Variants in EXOC4 observed in about 807,000 individuals in gnomAD.
EXOC4 encodes the protein exocyst complex component 4, also known as SEC8-like 1.
EXOC4 carries 71 observed loss-of-function variants against 107.2 expected under a neutral mutation model. The observed-to-expected ratio is 0.66, with a 90% CI of 0.55 to 0.81. The LOEUF (loss-of-function observed/expected upper bound fraction) is 0.81. Among genes scored for constraint, EXOC4 ranks in the 30% least tolerant of loss-of-function variants. The probability of loss-of-function intolerance (pLI) is 0.00; values close to 1 mark genes in which losing one functional copy is unlikely to be tolerated. For synonymous variants in EXOC4, 456 were observed against 441.2 expected (o/e 1.03, Z -0.42); for missense variants, 1,108 against 1,189.6 (o/e 0.93, Z 1.01).
chr7:133,561,774 A>G (rs1800808124), intron 9 of EXOC4, among the ~76,000 whole-genome samples: 3 of 152,202 alleles, frequency 2.0e-5, no homozygotes, highest in African/African-American at 7.2e-5. Context: ...TGTCATGTCT[A>G]AATTATCCCA....
intron 10 of EXOC4, among the ~76,000 whole-genome samples, chr7:133,680,635 C>T (rs1562905020): frequency 6.6e-6 from 1 of 152,130 alleles, no homozygotes; most frequent in African/African-American, 2.4e-5. Flanking sequence ...TAGCAAGAAG[C>T]GAATCAAGAT....
At chr7:133,307,351 G>A (rs1250209606) in intron 4 of EXOC4, among the ~76,000 whole-genome samples, 2 of 152,188 alleles carry the variant, frequency 1.3e-5, no homozygotes, top group Non-Finnish European at 2.9e-5. Flanking sequence ...TCAGCAGAGA[G>A]TGAAGTGGTG....
chr7:133,477,378 T>C (rs1337256342), intron 8 of EXOC4, among the ~76,000 whole-genome samples: 1 of 152,204 alleles, frequency 6.6e-6, no homozygotes, highest in Non-Finnish European at 1.5e-5. Flanking sequence ...AGTTTTGCTT[T>C]TTCCAGAATG....
chr7:133,674,030 T>C (rs982945156), intron 10 of EXOC4, among the ~76,000 whole-genome samples: 1 of 152,138 alleles, frequency 6.6e-6, no homozygotes, highest in African/African-American at 2.4e-5. Flanking sequence ...ATAGTGGAGT[T>C]CAAGGAAGGC....
At chr7:133,471,480 G>A (rs1246648288) in intron 7 of EXOC4, among the ~76,000 whole-genome samples, 1 of 151,372 alleles carries the variant, frequency 6.6e-6, no homozygotes, top group Admixed American at 6.6e-5. Flanking sequence ...ATTTAAAATA[G>A]TATTTTCCAG....
At chr7:133,625,539 A>G (rs1802433086) in intron 9 of EXOC4, among the ~76,000 whole-genome samples, 1 of 152,194 alleles carries the variant, frequency 6.6e-6, no homozygotes, top group African/African-American at 2.4e-5. Flanking sequence ...TAATATGACA[A>G]TATTTATTAC....
rs1016381836 is a variant in EXOC4 at position 133,683,728 on chromosome 7, T to A, written c.1514+53587T>A. Among the ~76,000 whole-genome samples the A allele has an allele frequency of 2.0e-5, 3 of 152,072 alleles. 1 individual carries two copies. The highest frequency in any genetic ancestry group is 7.2e-5 in the African/African-American group (3 of 41,420). ...CTTTTTTCCAATTTCGGGGCACTCATGTGAGATTGTAGGCATTCTTCAACC... is the reference window on the plus strand; with the variant it reads ...CTTTTTTCCAATTTCGGGGCACTCAAGTGAGATTGTAGGCATTCTTCAACC... On this transcript the variant is annotated intron_variant, in intron 10 of 17. Transcript: ENST00000253861.
chr7:133,644,344 C>T (rs1018735551), intron 10 of EXOC4, among the ~76,000 whole-genome samples: 1 of 152,130 alleles, frequency 6.6e-6, no homozygotes, highest in African/African-American at 2.4e-5. Context: ...CATCACTTGA[C>T]CCCTGCCATC....
chr7:133,550,263 A>G (rs1424151212), intron 9 of EXOC4, among the ~76,000 whole-genome samples: 1 of 152,178 alleles, frequency 6.6e-6, no homozygotes, highest in Non-Finnish European at 1.5e-5. Flanking sequence ...ATCAAGCACA[A>G]TGCCAAGTAC....
chr7:133,441,656 G>A (rs1440863775), intron 7 of EXOC4, among the ~76,000 whole-genome samples: 2 of 152,202 alleles, frequency 1.3e-5, no homozygotes, highest in African/African-American at 4.8e-5. Context: ...GCCTCCCAAA[G>A]TGCTGGGATT....
intron 11 of EXOC4, among the ~76,000 whole-genome samples, chr7:133,835,052 T>C (rs1363456914): frequency 1.3e-5 from 2 of 152,168 alleles, no homozygotes; most frequent in Non-Finnish European, 2.9e-5. Context: ...TCTGCCATGA[T>C]TGTGAGGCCT....
intron 14 of EXOC4, among the ~76,000 whole-genome samples, chr7:133,980,425 C>G (rs1286462630): frequency 6.6e-6 from 1 of 152,208 alleles, no homozygotes; most frequent in Non-Finnish European, 1.5e-5. Flanking sequence ...ATCATTGAAT[C>G]CTTACAATGA....
chr7:133,690,969 G>A (rs760212758), intron 10 of EXOC4, among the ~76,000 whole-genome samples: 3 of 152,050 alleles, frequency 2.0e-5, no homozygotes, highest in Non-Finnish European at 2.9e-5. Context: ...TCTGTGGTCC[G>A]GAAGTACGGA....
In EXOC4 at chr7:133,619,938, A is replaced by G. The variant is rs202132875; in HGVS notation, c.1418-10107A>G. 1.8e-4 allele frequency among the ~76,000 whole-genome samples: 27 copies of G among 151,496 alleles called. No homozygotes were observed. In the East Asian group the frequency reaches 4.9e-3, roughly 27 times the overall value. ...AGAGCCTAGAGAAGAAAATATTAATACTTTCTTTCTCTGCGTGCTGCCTAC... is the reference window on the plus strand; with the variant it reads ...AGAGCCTAGAGAAGAAAATATTAATGCTTTCTTTCTCTGCGTGCTGCCTAC... On this transcript the variant is annotated intron_variant, in intron 9 of 17. Transcript: ENST00000253861.
chr7:133,372,371 G>C (rs1796396662), intron 6 of EXOC4, among the ~76,000 whole-genome samples: 1 of 152,142 alleles, frequency 6.6e-6, no homozygotes. Flanking sequence ...CTTCCTCCCT[G>C]TGTAGCCTGT....
chr7:133,409,810 G>A (rs1797316208), intron 7 of EXOC4, among the ~76,000 whole-genome samples: 1 of 152,106 alleles, frequency 6.6e-6, no homozygotes, highest in Admixed American at 6.6e-5. Flanking sequence ...GAGTTAGTTA[G>A]CCTTATAGGA....
At chr7:133,537,670 A>G (rs564017595) in intron 9 of EXOC4, among the ~76,000 whole-genome samples, 1 of 152,338 alleles carries the variant, frequency 6.6e-6, no homozygotes, top group Admixed American at 6.5e-5. Context: ...ATCTAGCAGA[A>G]TGCCATATTG....
chr7:133,731,322 C>T (rs917536085), intron 10 of EXOC4, among the ~76,000 whole-genome samples: 2 of 152,068 alleles, frequency 1.3e-5, no homozygotes, highest in Admixed American at 6.6e-5. Context: ...AAATGCTACC[C>T]GTTAACCAAT....
chr7:134,053,469 G>A (rs1320444367), intron 17 of EXOC4, among the ~76,000 whole-genome samples: 1 of 151,788 alleles, frequency 6.6e-6, no homozygotes, highest in Admixed American at 6.6e-5. Flanking sequence ...GTACAAATAG[G>A]AAGAGGCAGA....
Sources: gnomAD v4.1 joint callset for allele counts (sites outside exome capture counted in the v4.1 genomes callset) on GRCh38, gnomAD v4.1.1 for gene constraint, MANE v1.5 for transcripts, NCBI Gene and HGNC (gene_info 2026-07-23, HGNC 2026-07-21) for gene names.